Variants in TDRP observed in about 807,000 individuals in gnomAD.
TDRP encodes the protein testis development-related protein.
In TDRP, 12 loss-of-function variants were observed where a neutral mutation model predicts 10.5. The observed-to-expected ratio is 1.15, with a 90% CI of 0.73 to 1.86. The LOEUF (loss-of-function observed/expected upper bound fraction) is 1.86. TDRP is among the 40% of genes most tolerant of loss of function. TDRP has a pLI of 0.00. For missense variants in TDRP, 353 were observed against 229.2 expected, an observed-to-expected ratio of 1.54 and a Z score of -3.49; for synonymous variants, 139 against 95.4, an observed-to-expected ratio of 1.46 and a Z score of -2.67.
At chr8:494,116 C>G (rs1325615961) in intron 2 of TDRP, among the ~76,000 whole-genome samples, 1 of 146,482 alleles carries the variant, frequency 6.8e-6, no homozygotes, top group South Asian at 2.2e-4. Context: ...GCCACCATGT[C>G]CAGCTAATTT....
chr8:513,690 G>C (rs935887989), intron 1 of TDRP, among the ~76,000 whole-genome samples: 3 of 152,144 alleles, frequency 2.0e-5, no homozygotes, highest in Non-Finnish European at 2.9e-5. Context: ...ATACAGAAAG[G>C]AAACAAAATG....
At chr8:525,105 T>C (rs890340508) in intron 1 of TDRP, among the ~76,000 whole-genome samples, 4 of 152,150 alleles carry the variant, frequency 2.6e-5, no homozygotes, top group Non-Finnish European at 4.4e-5. Context: ...GGAGCTCCGA[T>C]AGGTCTGGCA....
chr8:509,464 C>A (rs1176131476), intron 1 of TDRP, among the ~76,000 whole-genome samples: 3 of 152,202 alleles, frequency 2.0e-5, no homozygotes, highest in Non-Finnish European at 4.4e-5. Context: ...GGACCAACAC[C>A]AAGTGGAAGC....
At chr8:499,785 G>C (rs2116731658) in intron 1 of TDRP, among the ~76,000 whole-genome samples, 1 of 152,342 alleles carries the variant, frequency 6.6e-6, no homozygotes, top group East Asian at 1.9e-4. Context: ...CCTCACCTGA[G>C]CACTCTGCTC....
intron 1 of TDRP, among the ~76,000 whole-genome samples, chr8:497,889 G>A (rs1415814604): frequency 1.3e-5 from 2 of 152,194 alleles, no homozygotes; most frequent in African/African-American, 2.4e-5. Context: ...TATAGCTCCA[G>A]CCATGACTTC....
At chr8:520,824 A>G (rs1289759592) in intron 1 of TDRP, among the ~76,000 whole-genome samples, 2 of 152,184 alleles carry the variant, frequency 1.3e-5, no homozygotes, top group Admixed American at 6.5e-5. Context: ...AGTTCTTTAA[A>G]TATTTTGGAT....
intron 1 of TDRP, among the ~76,000 whole-genome samples, chr8:535,518 C>G (rs1802321825): frequency 1.3e-5 from 2 of 152,148 alleles, no homozygotes; most frequent in African/African-American, 4.8e-5. Context: ...CATCTTGACT[C>G]ACTCTGAAAT....
chr8:524,274 G>C (rs1393455191), intron 1 of TDRP, among the ~76,000 whole-genome samples: 1 of 152,146 alleles, frequency 6.6e-6, no homozygotes, highest in Non-Finnish European at 1.5e-5. Flanking sequence ...GAAAAACTTA[G>C]ATCACAACAC....
At chr8:544,005 T>C (rs937142815) in intron 1 of TDRP, among the ~76,000 whole-genome samples, 18 of 152,178 alleles carry the variant, frequency 1.2e-4, no homozygotes, top group African/African-American at 3.6e-4. Context: ...TACAAAATTC[T>C]AGACATACCA....
chr8:544,374 C>G (rs925667643), intron 1 of TDRP, among the ~76,000 whole-genome samples: 1 of 152,042 alleles, frequency 6.6e-6, no homozygotes, highest in South Asian at 2.1e-4. Flanking sequence ...CCCCTGCAAG[C>G]GGCGAGAACG....
chr8:539,891 T>G (rs1376512686), intron 1 of TDRP, among the ~76,000 whole-genome samples: 1 of 152,232 alleles, frequency 6.6e-6, no homozygotes, highest in Non-Finnish European at 1.5e-5. Context: ...AAGCATGATT[T>G]TAAAACACCT....
Position 490,851 on chromosome 8 carries a change from A to C in TDRP, c.*1548T>G, listed in dbSNP as rs745453883. ...CCAATTGAAACATGTCCCCCTTTCA[A>C]GACTTGATAAGTAAACTTCTTGTTC... On this transcript the variant is annotated 3_prime_UTR_variant, in exon 3 of 3. Transcript: ENST00000324079. The C allele has an allele frequency of 6.6e-6, 1 of 152,204 alleles. No individual in the cohort carries two copies. The highest frequency in any genetic ancestry group is 2.4e-5 in the African/African-American group (1 of 41,456). 9.4% of individuals were successfully genotyped at this position (152,204 alleles called of 1,614,324 possible).
At chr8:519,373 CAG>C (rs1057372538) in intron 1 of TDRP, among the ~76,000 whole-genome samples, 7 of 152,194 alleles carry the variant, frequency 4.6e-5, no homozygotes, top group Middle Eastern at 6.8e-3. Flanking sequence ...TTGGACATGA[CAG>C]AGAGTCATGG....
At chr8:511,419 T>C (rs560862263) in intron 1 of TDRP, among the ~76,000 whole-genome samples, 1 of 151,988 alleles carries the variant, frequency 6.6e-6, no homozygotes, top group African/African-American at 2.4e-5. Context: ...CAGGAAGATA[T>C]AACAATTAAA....
chr8:530,895 T>C (rs1181395904), intron 1 of TDRP, among the ~76,000 whole-genome samples: 1 of 152,204 alleles, frequency 6.6e-6, no homozygotes, highest in African/African-American at 2.4e-5. Flanking sequence ...CTGACTGTGC[T>C]GAGCTGTCCC....
At position 494,597 on chromosome 8, in the gene TDRP, C is replaced by T. The variant is rs1801078193; in HGVS notation, c.109G>A (p.Val37Ile). ...CAACCTCGGAAACTTGCTCCCTGAA[C>T]CTAATAAAAGGTTAAGAAAAATGTC... The part of the protein sequence containing the change: ...PAAAAAAQAQ[V>I]QGASFRGWKE... The change falls in exon 2 of 3, where the codon GTT (valine) becomes ATT (isoleucine). Residue 37 changes from valine to isoleucine, a missense_variant and splice_region_variant. Transcript: ENST00000324079. 1.9e-6 allele frequency: 3 copies of T among 1,613,388 alleles called. No individual in the cohort carries two copies. Among genetic ancestry groups the T allele is most frequent in the African/African-American group, 2.7e-5 (2 of 74,866 alleles).
intron 1 of TDRP, among the ~76,000 whole-genome samples, chr8:502,344 G>C (rs969589946): frequency 6.6e-6 from 1 of 152,196 alleles, no homozygotes. Context: ...ACAGTCATCA[G>C]ATGAGACCCA....
At position 492,508 on chromosome 8, in the gene TDRP, G is replaced by A. The variant is rs754960678; in HGVS notation, c.449C>T (p.Ala150Val). The stretch of plus-strand genomic sequence containing the variant: ...CCACCTGGAGCTGTTGGCAGAGCTG[G>A]CCAGGCTGGTGTACTTGGTCGAGCC... Reference protein sequence around the residue: ...AKGSTKYTSLASSANSSRWSL... With the variant: ...AKGSTKYTSLVSSANSSRWSL... Residue 150 changes from alanine to valine, a missense_variant, in exon 3 of 3, where the codon GCC becomes GTC. Coordinates refer to ENST00000324079, the MANE Select transcript of TDRP (RefSeq NM_001384899.1). The A allele has an allele frequency of 2.5e-6, 4 of 1,610,420 alleles. No individual in the cohort carries two copies. Among genetic ancestry groups the A allele is most frequent in the East Asian group, 2.2e-5 (1 of 44,764 alleles).
intron 1 of TDRP, among the ~76,000 whole-genome samples, chr8:512,843 G>C (rs551592386): frequency 8.9e-4 from 135 of 151,918 alleles, no homozygotes; most frequent in African/African-American, 3.1e-3. Context: ...ATGGTGGCAT[G>C]TGCCTGTAAT....
Sources: gnomAD v4.1 joint callset for allele counts (sites outside exome capture counted in the v4.1 genomes callset) on GRCh38, gnomAD v4.1.1 for gene constraint, MANE v1.5 for transcripts, NCBI Gene and HGNC (gene_info 2026-07-23, HGNC 2026-07-21) for gene names.